CSMD1: variants seen among roughly 807,000 people sequenced by gnomAD.
CSMD1 encodes CUB and sushi domain-containing protein 1.
CSMD1 carries 213 observed loss-of-function variants against 417.5 expected under a neutral mutation model. The observed-to-expected ratio is 0.51, with a 90% CI of 0.46 to 0.57. The LOEUF (loss-of-function observed/expected upper bound fraction) is 0.57, where lower values mean the gene tolerates loss of function less well. Ranked by LOEUF, CSMD1 falls within the 20% of genes least tolerant of loss-of-function variation. CSMD1 has a pLI of 0.00. For synonymous variants in CSMD1, 2,862 were observed against 1,736.8 expected (o/e 1.65, Z -16.11); for missense variants, 6,923 against 4,529.7 (o/e 1.53, Z -15.17).
intron 1 of CSMD1, among the ~76,000 whole-genome samples, chr8:4,815,584 T>C (rs568818126): frequency 1.0e-4 from 15 of 149,942 alleles, no homozygotes; most frequent in African/African-American, 3.4e-4. Context: ...TAATCCCAGC[T>C]ATTTGGGAGG....
intron 52 of CSMD1, among the ~76,000 whole-genome samples, chr8:3,007,494 C>G (rs1481468670): frequency 2.0e-5 from 3 of 151,388 alleles, no homozygotes. Context: ...CGGCATTATT[C>G]ACAATAGCAA....
chr8:3,039,640 T>A (rs931083504), intron 50 of CSMD1, among the ~76,000 whole-genome samples: 2 of 152,144 alleles, frequency 1.3e-5, no homozygotes, highest in Non-Finnish European at 2.9e-5. Context: ...TTCTTGAGAT[T>A]ATAAGCCCTA....
At chr8:4,051,217 G>C (rs751230438) in intron 3 of CSMD1, among the ~76,000 whole-genome samples, 1 of 151,536 alleles carries the variant, frequency 6.6e-6, no homozygotes, top group Non-Finnish European at 1.5e-5. Context: ...GCCTCCCAGG[G>C]ACCAGGCCTG....
At chr8:4,218,000 A>C (rs1273573003) in intron 3 of CSMD1, among the ~76,000 whole-genome samples, 1 of 152,174 alleles carries the variant, frequency 6.6e-6, no homozygotes, top group Non-Finnish European at 1.5e-5. Flanking sequence ...AGAAATATCC[A>C]ACCTCACAAA....
intron 11 of CSMD1, among the ~76,000 whole-genome samples, chr8:3,473,010 C>G (rs543891389): frequency 1.3e-5 from 2 of 152,222 alleles, no homozygotes; most frequent in Admixed American, 6.5e-5. Context: ...GCTCCTAACT[C>G]TGTCTCCTGG....
chr8:3,077,033 T>A, intron 49 of CSMD1, among the ~76,000 whole-genome samples: 1 of 151,578 alleles, frequency 6.6e-6, no homozygotes, highest in African/African-American at 2.4e-5. Flanking sequence ...CTAAGTGCAC[T>A]TCTTTCCATC....
intron 3 of CSMD1, among the ~76,000 whole-genome samples, chr8:4,330,914 C>G (rs1237770774): frequency 1.3e-5 from 2 of 152,056 alleles, no homozygotes; most frequent in African/African-American, 2.4e-5. Flanking sequence ...TGCCCAGCAC[C>G]CTACATTGGA....
At chr8:4,705,676 T>C (rs944652980) in intron 1 of CSMD1, among the ~76,000 whole-genome samples, 2 of 152,236 alleles carry the variant, frequency 1.3e-5, no homozygotes, top group South Asian at 2.1e-4. Flanking sequence ...TCGTGTCATA[T>C]GAATATCACT....
intron 3 of CSMD1, among the ~76,000 whole-genome samples, chr8:4,295,716 TTATA>T (rs776216174): frequency 7.1e-6 from 1 of 140,260 alleles, no homozygotes; most frequent in African/African-American, 2.6e-5. Flanking sequence ...TGTGTTAAAA[TTATA>T]TATATCTGTG....
At chr8:4,431,575 T>C (rs918116192) in intron 2 of CSMD1, among the ~76,000 whole-genome samples, 21 of 152,086 alleles carry the variant, frequency 1.4e-4, no homozygotes, top group African/African-American at 4.8e-4. Flanking sequence ...ATTTCAAAAC[T>C]TTGCTCTGAG....
At chr8:4,513,158 C>G (rs901957640) in intron 2 of CSMD1, among the ~76,000 whole-genome samples, 3 of 152,034 alleles carry the variant, frequency 2.0e-5, no homozygotes, top group Non-Finnish European at 4.4e-5. Context: ...TTTGGTTAAT[C>G]GAAATATGTC....
intron 1 of CSMD1, among the ~76,000 whole-genome samples, chr8:4,748,753 C>G (rs1398550775): frequency 6.6e-6 from 1 of 152,198 alleles, no homozygotes; most frequent in Admixed American, 6.5e-5. Context: ...TTTTTACAGA[C>G]TTAATTACTG....
chr8:4,768,848 G>C (rs1796457675), intron 1 of CSMD1, among the ~76,000 whole-genome samples: 1 of 152,180 alleles, frequency 6.6e-6, no homozygotes, highest in African/African-American at 2.4e-5. Flanking sequence ...ATGGGAAGGG[G>C]AGGTGGCTGA....
At chr8:3,762,071 A>T (rs1250146470) in intron 5 of CSMD1, among the ~76,000 whole-genome samples, 3 of 152,024 alleles carry the variant, frequency 2.0e-5, no homozygotes, top group Non-Finnish European at 4.4e-5. Flanking sequence ...TGAAAAAATA[A>T]TTTCTAGTCT....
intron 54 of CSMD1, among the ~76,000 whole-genome samples, chr8:2,983,051 TGAG>T (rs560470049): frequency 3.9e-4 from 60 of 152,214 alleles, no homozygotes; most frequent in Non-Finnish European, 6.9e-4. Context: ...TGTTATGTGA[TGAG>T]GAAACACCGT....
chr8:3,259,112 G>A (rs191531152), intron 26 of CSMD1, among the ~76,000 whole-genome samples: 1 of 152,166 alleles, frequency 6.6e-6, no homozygotes, highest in Non-Finnish European at 1.5e-5. Context: ...CAGCTTTTAT[G>A]ACAAGACAAA....
chr8:4,283,808 C>T (rs1375779557), intron 3 of CSMD1, among the ~76,000 whole-genome samples: 2 of 152,120 alleles, frequency 1.3e-5, no homozygotes, highest in Admixed American at 6.5e-5. Flanking sequence ...TCCGCTTTAC[C>T]CACCTATAAA....
rs775001650 is a variant in CSMD1 at position 3,387,516 on chromosome 8, G to T, written c.2760C>A (p.Asn920Lys). Reference protein sequence around the residue: ...PLVCERNHQWNHALPSCDALC... With the variant: ...PLVCERNHQWKHALPSCDALC... ...TACCGTCGCAGCTGGGCAAGGCGTG[G>T]TTCCACTGGTGGTTCCTCTCACAGA... Residue 920 changes from asparagine (N) to lysine (K), a missense_variant, in exon 18 of 70, where the codon AAC becomes AAA. Coordinates refer to ENST00000635120, the MANE Select transcript of CSMD1 (RefSeq NM_033225.6). 12 of 1,601,620 alleles carry T rather than the reference G, an allele frequency of 7.5e-6. No individual in the cohort carries two copies. Among genetic ancestry groups the T allele is most frequent in the Admixed American group, 5.1e-5 (3 of 58,466 alleles).
At chr8:4,084,953 G>A (rs1334103840) in intron 3 of CSMD1, among the ~76,000 whole-genome samples, 1 of 152,290 alleles carries the variant, frequency 6.6e-6, no homozygotes, top group African/African-American at 2.4e-5. Flanking sequence ...GAAAGCACCT[G>A]CAGAAAGAAG....
Sources: gnomAD v4.1 joint callset for allele counts (sites outside exome capture counted in the v4.1 genomes callset) on GRCh38, gnomAD v4.1.1 for gene constraint, MANE v1.5 for transcripts, NCBI Gene and HGNC (gene_info 2026-07-23, HGNC 2026-07-21) for gene names.